KIRREL3: variants seen among roughly 807,000 people sequenced by gnomAD.
The protein encoded by KIRREL3 is kirre like nephrin family adhesion molecule 3.
In KIRREL3, 36 loss-of-function variants were observed where a neutral mutation model predicts 89.7. The ratio of observed to expected loss-of-function variants is 0.40; its 90% CI spans 0.31 to 0.53. The LOEUF (loss-of-function observed/expected upper bound fraction) is 0.53. Among genes scored for constraint, KIRREL3 ranks in the 20% least tolerant of loss-of-function variants. KIRREL3 has a pLI of 0.49. For synonymous variants in KIRREL3, 445 were observed against 441.4 expected (o/e 1.01, Z -0.10); for missense variants, 864 against 1,056.6 (o/e 0.82, Z 2.53).
rs575116960 is a variant in KIRREL3 at position 126,670,912 on chromosome 11, G to C, written c.56-108000C>G. Among the ~76,000 whole-genome samples, 5 of 152,268 alleles carry C rather than the reference G, an allele frequency of 3.3e-5. No homozygotes were observed. The East Asian group carries it at 9.6e-4, about 29-fold the overall frequency. On this transcript the variant is annotated intron_variant, in intron 1 of 16. Transcript: ENST00000525144. ...ATAAGTTGGAGGACTCATACTACCTGATTTCAAGACTTACTATAATATAAA... is the reference window on the plus strand; with the variant it reads ...ATAAGTTGGAGGACTCATACTACCTCATTTCAAGACTTACTATAATATAAA...
intron 1 of KIRREL3, among the ~76,000 whole-genome samples, chr11:126,998,616 C>T (rs1453764666): frequency 1.3e-5 from 2 of 152,176 alleles, no homozygotes; most frequent in South Asian, 2.1e-4. Flanking sequence ...TAAAGATTCA[C>T]ATGAAGCAGT....
rs530226208 is a variant in KIRREL3 at position 126,630,714 on chromosome 11, A to G, written c.56-67802T>C. 2.0e-5 allele frequency among the ~76,000 whole-genome samples: 3 copies of G among 152,296 alleles called. No homozygotes were observed. In the South Asian group the frequency reaches 6.2e-4, roughly 32 times the overall value. On this transcript the variant is annotated intron_variant, in intron 1 of 16. Coordinates refer to ENST00000525144, the MANE Select transcript of KIRREL3 (RefSeq NM_032531.4). ...CTCAGGGCCCTAAGCTTTTAGAAGC[A>G]TGCCTCACTCCCAGCCTAAGAGCTT...
rs953606311 is a variant in KIRREL3 at position 126,652,396 on chromosome 11, T to C, written c.56-89484A>G. Among the ~76,000 whole-genome samples, 1 of 152,182 alleles carries C rather than the reference T, an allele frequency of 6.6e-6. No individual in the cohort carries two copies. On this transcript the variant is annotated intron_variant, in intron 1 of 16. Transcript: ENST00000525144. This position sits in a 1 kb window ranked among gnomAD's most constrained non-coding sequence, Gnocchi z 4.9. ...CCAAGCCTGCCTAGGGAGTCTATCG[T>C]GGTAGGAACAAGAGCTACCATGCCT...
At chr11:126,884,884 G>C (rs1476121109) in intron 1 of KIRREL3, among the ~76,000 whole-genome samples, 1 of 152,020 alleles carries the variant, frequency 6.6e-6, no homozygotes, top group Non-Finnish European at 1.5e-5. Context: ...GCTTGGCAAT[G>C]GAATGGCTTC....
chr11:126,722,309 C>T (rs1440560090), intron 1 of KIRREL3, among the ~76,000 whole-genome samples: 2 of 152,262 alleles, frequency 1.3e-5, no homozygotes, highest in Non-Finnish European at 1.5e-5. Context: ...GGTTCACTCC[C>T]TCACTTCCTA....
Position 126,993,971 on chromosome 11 carries a change from A to G in KIRREL3, c.55+6484T>C, listed in dbSNP as rs1023229052. ...TACAGGCCAAGTGAGCAGACCATCT[A>G]GATAATTCAGCATGATGCGCACACA... is the stretch of plus-strand genomic sequence containing the variant. On this transcript the variant is annotated intron_variant, in intron 1 of 16. Transcript: ENST00000525144. The surrounding 1 kb of genome is among the most constrained non-coding windows in gnomAD (Gnocchi z 6.1). Among the ~76,000 whole-genome samples, 1 of 152,188 alleles carries G rather than the reference A, an allele frequency of 6.6e-6. No homozygotes were observed. The highest frequency in any genetic ancestry group is 2.4e-5 in the African/African-American group (1 of 41,432).
chr11:126,983,497 A>G lies in KIRREL3; in HGVS notation c.55+16958T>C, dbSNP rs900045987. Among the ~76,000 whole-genome samples the G allele has an allele frequency of 6.6e-6, 1 of 152,176 alleles. No individual in the cohort carries two copies. ...TGAGAGAGAGAGATTTTCCTAAATT[A>G]CCCTCTGTGGTCTGATATAATCACT... On this transcript the variant is annotated intron_variant, in intron 1 of 16. Coordinates refer to ENST00000525144, the MANE Select transcript of KIRREL3 (RefSeq NM_032531.4). This position sits in a 1 kb window ranked among gnomAD's most constrained non-coding sequence, Gnocchi z 4.9.
intron 1 of KIRREL3, among the ~76,000 whole-genome samples, chr11:126,799,758 T>C (rs540430649): frequency 1.3e-5 from 2 of 152,224 alleles, no homozygotes; most frequent in South Asian, 2.1e-4. Context: ...CCAGTTTTTA[T>C]TAACTTCCAG....
rs1032481327 is a variant in KIRREL3, at chr11:126,776,807, C to T, written c.56-213895G>A. Among the ~76,000 whole-genome samples, 5 of 152,182 alleles carry T rather than the reference C, an allele frequency of 3.3e-5. 1 individual carries two copies. The highest frequency in any genetic ancestry group is 9.7e-5 in the African/African-American group (4 of 41,448). On this transcript the variant is annotated intron_variant, in intron 1 of 16. Coordinates refer to ENST00000525144, the MANE Select transcript of KIRREL3 (RefSeq NM_032531.4). The surrounding 1 kb of genome is among the most constrained non-coding windows in gnomAD (Gnocchi z 4.7). The stretch of plus-strand genomic sequence containing the variant: ...TGGGAAGGGAGCATTTTCAGAGGAG[C>T]CCTGAGAGATGGGGGCTCATACCCA...
Position 126,431,522 on chromosome 11 carries a change from A to G in KIRREL3, c.1593T>C (p.Ser531=), listed in dbSNP as rs1166648416. Residue 531 remains serine, a synonymous_variant, in exon 14 of 17, where the codon TCT becomes TCC. Coordinates refer to ENST00000525144, the MANE Select transcript of KIRREL3 (RefSeq NM_032531.4). The surrounding 1 kb of genome is among the most constrained non-coding windows in gnomAD (Gnocchi z 7.1). ...CCCCAATGATGACGGCCATCGGCACAGACTCTGTGGGAGAGAAGCGGGCAC... is the reference window on the plus strand; with the variant it reads ...CCCCAATGATGACGGCCATCGGCACGGACTCTGTGGGAGAGAAGCGGGCAC... ...MKSGAGLEAE[S]VPMAVIIGVA... is the part of the protein sequence containing the mutation. The G allele has an allele frequency of 6.2e-7, 1 of 1,613,722 alleles. No homozygotes were observed. The highest frequency in any genetic ancestry group is 8.5e-7 in the Non-Finnish European group (1 of 1,179,824).
chr11:126,758,668 A>G (rs1755730470), intron 1 of KIRREL3, among the ~76,000 whole-genome samples: 1 of 152,240 alleles, frequency 6.6e-6, no homozygotes, highest in Non-Finnish European at 1.5e-5. Flanking sequence ...ATCACTTACG[A>G]ACATCTAAAT....
chr11:126,653,057 G>A lies in KIRREL3; in HGVS notation c.56-90145C>T, dbSNP rs892932840. 2.0e-5 allele frequency: 3 copies of A among 152,090 alleles called. No homozygotes were observed. The highest frequency in any genetic ancestry group is 2.9e-5 in the Non-Finnish European group (2 of 68,008). 9.4% of individuals were successfully genotyped at this position (152,090 alleles called of 1,614,324 possible). A position where few individuals can be genotyped will look rare whatever the true frequency, so the allele number is the denominator to read the frequency against. On this transcript the variant is annotated intron_variant, in intron 1 of 16. Coordinates refer to ENST00000525144, the MANE Select transcript of KIRREL3 (RefSeq NM_032531.4). The surrounding 1 kb of genome is among the most constrained non-coding windows in gnomAD (Gnocchi z 5.4). ...GTCGGGTTGTGGGGGTGGGGGAGGG[G>A]AAAAAGAGAGCAGGTATAATAAAGC...
intron 5 of KIRREL3, among the ~76,000 whole-genome samples, chr11:126,468,096 C>A (rs1386478306): frequency 1.3e-5 from 2 of 152,192 alleles, no homozygotes; most frequent in Non-Finnish European, 2.9e-5. Context: ...GACCTTGCAA[C>A]CCTCCTGCCT....
chr11:126,871,242 C>T (rs769182988), intron 1 of KIRREL3, among the ~76,000 whole-genome samples: 2 of 152,142 alleles, frequency 1.3e-5, no homozygotes, highest in Non-Finnish European at 2.9e-5. Context: ...AGTGACTCCC[C>T]CTCACCGCTC....
intron 1 of KIRREL3, among the ~76,000 whole-genome samples, chr11:126,886,505 T>C (rs1945701723): frequency 6.6e-6 from 1 of 152,318 alleles, no homozygotes; most frequent in South Asian, 2.1e-4. Context: ...AAACTGAAGG[T>C]CTTCTGCCTG....
At chr11:126,964,696 C>T (rs1337433951) in intron 1 of KIRREL3, among the ~76,000 whole-genome samples, 1 of 152,112 alleles carries the variant, frequency 6.6e-6, no homozygotes, top group Non-Finnish European at 1.5e-5. Flanking sequence ...AGAACGAAGG[C>T]AGCACAGATG....
At chr11:126,625,544 G>A (rs1348759381) in intron 1 of KIRREL3, among the ~76,000 whole-genome samples, 2 of 152,060 alleles carry the variant, frequency 1.3e-5, no homozygotes, top group Non-Finnish European at 2.9e-5. Flanking sequence ...TCACTCCCTA[G>A]CATGAAGACT....
Position 126,429,333 on chromosome 11 carries a change from C to A in KIRREL3, c.1697-45G>T, listed in dbSNP as rs772041154. On this transcript the variant is annotated intron_variant, in intron 14 of 16. Transcript: ENST00000525144. This position sits in a 1 kb window ranked among gnomAD's most constrained non-coding sequence, Gnocchi z 5.2. ...GTGTAGATGATAGATTTAGTTCTTACCTTTGAGATGTCAAGCTCCCTTGCA... is the reference window on the plus strand; with the variant it reads ...GTGTAGATGATAGATTTAGTTCTTAACTTTGAGATGTCAAGCTCCCTTGCA... The A allele has an allele frequency of 1.4e-6, 2 of 1,396,634 alleles. No homozygotes were observed. The highest frequency in any genetic ancestry group is 2.0e-6 in the Non-Finnish European group (2 of 985,710). 86.5% of individuals were successfully genotyped at this position (1,396,634 alleles called of 1,614,324 possible). A position where few individuals can be genotyped will look rare whatever the true frequency, so the allele number is the denominator to read the frequency against.
At chr11:126,865,122 C>T (rs1269144532) in intron 1 of KIRREL3, among the ~76,000 whole-genome samples, 1 of 152,220 alleles carries the variant, frequency 6.6e-6, no homozygotes, top group African/African-American at 2.4e-5. Flanking sequence ...GATCCCAAGG[C>T]CTCTTTCTCT....
Sources: allele counts gnomAD v4.1 joint callset (sites outside exome capture counted in the v4.1 genomes callset), GRCh38; gene constraint gnomAD v4.1.1; non-coding constraint Gnocchi (gnomAD v3.1); transcripts MANE v1.5; gene names NCBI Gene and HGNC (gene_info 2026-07-23, HGNC 2026-07-21).